COL24A1: variants seen among roughly 807,000 people sequenced by gnomAD.
The protein encoded by COL24A1 is collagen alpha-1(XXIV) chain.
A neutral mutation model predicts 253.9 loss-of-function variants in COL24A1; 224 were observed. That is an observed-to-expected ratio of 0.88 (90% confidence interval 0.79 to 0.99). COL24A1 has a LOEUF of 0.99. COL24A1 is among the 50% of genes least tolerant of loss of function. COL24A1 has a pLI of 0.00. For synonymous variants in COL24A1, 685 were observed against 673.7 expected, an observed-to-expected ratio of 1.02 and a Z score of -0.26; for missense variants, 2,131 against 2,068.5, an observed-to-expected ratio of 1.03 and a Z score of -0.59.
In COL24A1 at chr1:86,050,162, G is replaced by C. The variant is rs117013561; in HGVS notation, c.1867C>G (p.Pro623Ala). The C allele has an allele frequency of 3.0e-4, 482 of 1,613,292 alleles. 5 individuals are homozygous for C. In the East Asian group the frequency reaches 0.01, roughly 34 times the overall value. Residue 623 changes from proline to alanine, a missense_variant, in exon 11 of 60, where the codon CCT becomes GCT. By Grantham distance (27) the Pro-to-Ala change is conservative (BLOSUM62 -1). Transcript: ENST00000370571. ...PKGAQGFIGS[P>A]GEAGQLGPEG... ...GGTCCCAGTTGTCCCGCTTCTCCAG[G>C]AGAGCCAATAAAACCCTTAAAACAA... is the stretch of plus-strand genomic sequence containing the variant.
chr1:85,843,638 C>CT (rs1382233740), intron 39 of COL24A1, among the ~76,000 whole-genome samples: 14 of 152,094 alleles, frequency 9.2e-5, no homozygotes, highest in African/African-American at 3.1e-4. Flanking sequence ...TGCAAGTAGT[C>CT]TCAAGGAAAT....
intron 22 of COL24A1, among the ~76,000 whole-genome samples, chr1:85,966,955 T>C (rs1691626650): frequency 6.6e-6 from 1 of 152,140 alleles, no homozygotes; most frequent in Non-Finnish European, 1.5e-5. Flanking sequence ...GCTAGAAGAA[T>C]AACAGCAGCT....
chr1:85,785,867 C>T (rs1271209339), intron 48 of COL24A1, among the ~76,000 whole-genome samples: 1 of 152,178 alleles, frequency 6.6e-6, no homozygotes, highest in Non-Finnish European at 1.5e-5. Flanking sequence ...TCTGGAAAGT[C>T]TATTGACATG....
intron 2 of COL24A1, among the ~76,000 whole-genome samples, chr1:86,144,837 A>G (rs183891621): frequency 6.6e-6 from 1 of 152,220 alleles, no homozygotes; most frequent in Non-Finnish European, 1.5e-5. Flanking sequence ...AGTGAAGTAA[A>G]TGTACATTCT....
intron 53 of COL24A1, among the ~76,000 whole-genome samples, chr1:85,765,041 A>G (rs1667220940): frequency 6.6e-6 from 1 of 152,242 alleles, no homozygotes; most frequent in South Asian, 2.1e-4. Flanking sequence ...TTTTAAATGA[A>G]TGATTTATAC....
chr1:85,873,663 G>A (rs1263728046), intron 35 of COL24A1, among the ~76,000 whole-genome samples: 1 of 152,090 alleles, frequency 6.6e-6, no homozygotes, highest in Non-Finnish European at 1.5e-5. Context: ...ACAGGAAGGG[G>A]AACATCACAC....
intron 24 of COL24A1, among the ~76,000 whole-genome samples, chr1:85,955,815 C>T (rs181818976): frequency 1.7e-4 from 26 of 152,292 alleles, no homozygotes; most frequent in Non-Finnish European, 2.9e-4. Context: ...AGCACTTCTA[C>T]GATATTTTTT....
intron 35 of COL24A1, among the ~76,000 whole-genome samples, chr1:85,874,251 G>C (rs1289085967): frequency 6.6e-6 from 1 of 152,038 alleles, no homozygotes; most frequent in Non-Finnish European, 1.5e-5. Context: ...CATGATCATA[G>C]GTTTGGTTTT....
At chr1:86,027,790 T>A (rs560627162) in intron 14 of COL24A1, among the ~76,000 whole-genome samples, 1 of 152,262 alleles carries the variant, frequency 6.6e-6, no homozygotes, top group African/African-American at 2.4e-5. Context: ...GAATGGTAGA[T>A]CCACGAACAG....
At chr1:86,064,654 A>C (rs1182850294) in intron 7 of COL24A1, among the ~76,000 whole-genome samples, 1 of 152,188 alleles carries the variant, frequency 6.6e-6, no homozygotes, top group Non-Finnish European at 1.5e-5. Flanking sequence ...ATTTCCAATT[A>C]ATATACTGCA....
intron 12 of COL24A1, among the ~76,000 whole-genome samples, chr1:86,039,183 C>T (rs1158612243): frequency 2.0e-5 from 3 of 152,094 alleles, no homozygotes; most frequent in African/African-American, 7.2e-5. Flanking sequence ...GAGCAAGTTT[C>T]TCTGTTGCCT....
chr1:85,971,512 G>A lies in COL24A1; in HGVS notation c.2365-119C>T, dbSNP rs1263136004. ...GAAACCATTCATTTCCCATTAAGAA[G>A]TCCTCAAAATGGGTTGCAGTATGGG... On this transcript the variant is annotated intron_variant, in intron 20 of 59. Coordinates refer to ENST00000370571, the MANE Select transcript of COL24A1 (RefSeq NM_152890.7). 3 of 838,960 alleles carry A rather than the reference G, an allele frequency of 3.6e-6. No homozygotes were observed. In the African/African-American group the frequency reaches 5.3e-5, roughly 15 times the overall value. The allele number at this position is 838,960 out of a possible 1,614,324, so 52.0% of individuals were successfully genotyped here.
chr1:85,866,435 A>T (rs1679802950), intron 37 of COL24A1, among the ~76,000 whole-genome samples: 1 of 152,128 alleles, frequency 6.6e-6, no homozygotes, highest in Admixed American at 6.5e-5. Flanking sequence ...ATGACAGTAT[A>T]TAAGTGAAAT....
chr1:85,981,885 G>A (rs888849393), intron 20 of COL24A1, among the ~76,000 whole-genome samples: 3 of 152,132 alleles, frequency 2.0e-5, no homozygotes, highest in African/African-American at 7.2e-5. Flanking sequence ...TCGCAGGAGT[G>A]CAAGTATCCT....
intron 1 of COL24A1, among the ~76,000 whole-genome samples, chr1:86,151,757 C>G (rs1572093435): frequency 6.6e-6 from 1 of 152,184 alleles, no homozygotes; most frequent in Non-Finnish European, 1.5e-5. Context: ...TAGGGTACCC[C>G]TGAGACTCTA....
rs1252240270 is a variant in COL24A1 at position 86,097,122 on chromosome 1, A to T, written c.1600-4802T>A. Among the ~76,000 whole-genome samples the T allele has an allele frequency of 4.0e-5, 6 of 151,212 alleles. No homozygotes were observed. The East Asian group carries it at 5.8e-4, about 15-fold the overall frequency. On this transcript the variant is annotated intron_variant, in intron 5 of 59. Coordinates refer to ENST00000370571, the MANE Select transcript of COL24A1 (RefSeq NM_152890.7). ...CCCAGGATAATTTCCATTACAGTAA[A>T]CATACTTTAAGTTTTGTCATCTTAA...
intron 7 of COL24A1, among the ~76,000 whole-genome samples, chr1:86,080,157 G>A (rs1702527155): frequency 1.3e-5 from 2 of 152,132 alleles, no homozygotes; most frequent in South Asian, 4.1e-4. Flanking sequence ...TAGGTTAAGT[G>A]AAATAAGCCA....
intron 5 of COL24A1, among the ~76,000 whole-genome samples, chr1:86,094,251 A>G (rs1703729954): frequency 1.3e-5 from 2 of 152,208 alleles, no homozygotes; most frequent in Admixed American, 6.5e-5. Flanking sequence ...TATGCCCATC[A>G]ATGATAGACT....
At chr1:85,868,432 G>T in intron 37 of COL24A1, 87 bp downstream of exon 37, 1 of 853,932 alleles carries the variant, frequency 1.2e-6, no homozygotes, top group Non-Finnish European at 1.9e-6. Flanking sequence ...TATATAAGGA[G>T]GTCAGAGTGT....
Sources: allele counts gnomAD v4.1 joint callset (sites outside exome capture counted in the v4.1 genomes callset), GRCh38; gene constraint gnomAD v4.1.1; transcripts MANE v1.5; gene names NCBI Gene and HGNC (gene_info 2026-07-23, HGNC 2026-07-21).